GRIK1: variants seen among roughly 807,000 people sequenced by gnomAD.
The protein encoded by GRIK1 is glutamate receptor ionotropic, kainate 1.
Under a neutral mutation model 105.7 loss-of-function variants are expected in GRIK1, and 69 were observed. That is an observed-to-expected ratio of 0.65 (90% CI 0.54 to 0.80). The LOEUF is 0.80. Ranked by LOEUF, GRIK1 falls within the 30% of genes least tolerant of loss-of-function variation. GRIK1 has a pLI of 0.00. For missense variants in GRIK1, 1,109 were observed against 1,167.3 expected (o/e 0.95, Z 0.73); for synonymous variants, 438 against 431.3 (o/e 1.02, Z -0.19).
chr21:29,556,638 C>G (rs1043519777), intron 15 of GRIK1, among the ~76,000 whole-genome samples: 6 of 152,128 alleles, frequency 3.9e-5, no homozygotes, highest in Admixed American at 1.3e-4. Flanking sequence ...TGGTTTCTAG[C>G]CAATAGGAAC....
intron 1 of GRIK1, among the ~76,000 whole-genome samples, chr21:29,708,281 T>A (rs1439454450): frequency 6.6e-6 from 1 of 152,250 alleles, no homozygotes. Flanking sequence ...TAATTTTAAA[T>A]CACTTGTTCC....
intron 16 of GRIK1, among the ~76,000 whole-genome samples, chr21:29,543,554 G>T (rs2090003685): frequency 6.6e-6 from 1 of 152,120 alleles, no homozygotes; most frequent in African/African-American, 2.4e-5. Flanking sequence ...CATTTTCTGA[G>T]CGCATTCACA....
At chr21:29,560,632 C>T (rs933101798) in intron 15 of GRIK1, among the ~76,000 whole-genome samples, 23 of 145,012 alleles carry the variant, frequency 1.6e-4, no homozygotes, top group South Asian at 2.2e-4. Flanking sequence ...GATGGAGTCT[C>T]GCTCTGTTGC....
At chr21:29,596,867 G>A in intron 8 of GRIK1, 3 of 383,828 alleles carry the variant, frequency 7.8e-6, no homozygotes, top group Non-Finnish European at 9.8e-6. Context: ...CAGTATTAAG[G>A]GTCTTCATTG....
chr21:29,600,414 G>C (rs947959128), intron 7 of GRIK1, among the ~76,000 whole-genome samples: 2 of 152,140 alleles, frequency 1.3e-5, no homozygotes, highest in African/African-American at 4.8e-5. Context: ...TGGCCCTTGG[G>C]AGAGTCTTCA....
At chr21:29,615,699 A>AT (rs2061834462) in intron 7 of GRIK1, among the ~76,000 whole-genome samples, 1 of 152,268 alleles carries the variant, frequency 6.6e-6, no homozygotes, top group Non-Finnish European at 1.5e-5. Context: ...TATATGTAAT[A>AT]CTGCTATAAT....
At chr21:29,936,350 A>G (rs2071754204) in intron 1 of GRIK1, among the ~76,000 whole-genome samples, 1 of 152,172 alleles carries the variant, frequency 6.6e-6, no homozygotes, top group South Asian at 2.1e-4. Flanking sequence ...TTTTTAATTA[A>G]TGGTGGTGGG....
At chr21:29,737,350 C>T (rs138649835) in intron 1 of GRIK1, among the ~76,000 whole-genome samples, 3 of 152,262 alleles carry the variant, frequency 2.0e-5, no homozygotes, top group Admixed American at 1.3e-4. Flanking sequence ...GGTAATGTTT[C>T]AAAGCGCTCA....
chr21:29,921,971 T>C lies in GRIK1; in HGVS notation c.118+17412A>G, dbSNP rs553171249. Among the ~76,000 whole-genome samples the C allele has an allele frequency of 7.2e-5, 11 of 152,292 alleles. No individual in the cohort carries two copies. The South Asian group carries it at 2.3e-3, about 32-fold the overall frequency. On this transcript the variant is annotated intron_variant, in intron 1 of 17. Transcript: ENST00000327783. ...CTTTGCTTTTGATAGCATCCTAAAGTAGTCCTTCTGGGTGATACTATTGTT... is the reference window on the plus strand; with the variant it reads ...CTTTGCTTTTGATAGCATCCTAAAGCAGTCCTTCTGGGTGATACTATTGTT...
chr21:29,560,554 T>TCTCTC (rs2090444809), intron 15 of GRIK1, among the ~76,000 whole-genome samples: 1 of 121,038 alleles, frequency 8.3e-6, no homozygotes, highest in African/African-American at 3.6e-5. Flanking sequence ...CTTTCTTTCT[T>TCTCTC]TCTTTCTTTC....
At chr21:29,635,941 G>A (rs1568917078) in intron 7 of GRIK1, among the ~76,000 whole-genome samples, 1 of 152,154 alleles carries the variant, frequency 6.6e-6, no homozygotes, top group South Asian at 2.1e-4. Context: ...AACTCATAGA[G>A]TCAAAAGGAA....
intron 14 of GRIK1, among the ~76,000 whole-genome samples, chr21:29,571,572 T>G (rs548029548): frequency 2.6e-5 from 4 of 152,308 alleles, no homozygotes; most frequent in African/African-American, 9.6e-5. Context: ...GAATGAAATT[T>G]TAGCGAGCAA....
chr21:29,654,241 A>AT (rs1160867923), intron 5 of GRIK1, among the ~76,000 whole-genome samples: 1 of 152,214 alleles, frequency 6.6e-6, no homozygotes, highest in Admixed American at 6.5e-5. Context: ...CCATGATCAG[A>AT]TAGTCTCTCA....
chr21:29,764,128 A>G (rs190340156), intron 1 of GRIK1: 25 of 152,330 alleles, frequency 1.6e-4, no homozygotes, highest in African/African-American at 5.8e-4. Context: ...ACTGAAGATG[A>G]TGCAGAGACT....
intron 1 of GRIK1, among the ~76,000 whole-genome samples, chr21:29,936,461 C>T (rs2071759128): frequency 6.6e-6 from 1 of 152,192 alleles, no homozygotes. Context: ...CACAGACCAA[C>T]TAATTACATA....
chr21:29,555,125 C>A lies in GRIK1; in HGVS notation c.2534G>T (p.Gly845Val), dbSNP rs764729519. The change falls in exon 16 of 18, where the codon GGA (glycine) becomes GTA (valine). Residue 845 changes from glycine (G) to valine (V), a missense_variant. This residue lies in a region of GRIK1 where 161 missense variants were observed against 143.4 expected (regional missense o/e 1.12). Transcript: ENST00000327783. ...IGGIFIVLAA[G>V]LVLSVFVAIG... is the part of the protein sequence containing the mutation. ...AGCTACAAATACAGAAAGGACCAGT[C>A]CGGCAGCCAGAACAATGAAGATGCC... 7.4e-6 allele frequency: 12 copies of A among 1,613,244 alleles called. No individual in the cohort carries two copies. Among genetic ancestry groups the A allele is most frequent in the Admixed American group, 3.3e-5 (2 of 59,970 alleles).
At chr21:29,891,851 G>A (rs1466380210) in intron 1 of GRIK1, among the ~76,000 whole-genome samples, 1 of 152,170 alleles carries the variant, frequency 6.6e-6, no homozygotes, top group Non-Finnish European at 1.5e-5. Context: ...AAAGTTAAAT[G>A]AGGAAAATGT....
chr21:29,581,296 G>C (rs150372437), intron 13 of GRIK1, 129 bp downstream of exon 13: 6 of 665,678 alleles, frequency 9.0e-6, no homozygotes, highest in East Asian at 2.6e-5. Flanking sequence ...TAGAAAGTCC[G>C]TTGCTATTTT....
intron 1 of GRIK1, among the ~76,000 whole-genome samples, chr21:29,936,240 G>A (rs945099390): frequency 6.6e-6 from 1 of 152,156 alleles, no homozygotes. Flanking sequence ...ATAATTGTAT[G>A]TGTTGAGATG....
Sources: allele counts gnomAD v4.1 joint callset (sites outside exome capture counted in the v4.1 genomes callset), GRCh38; gene constraint gnomAD v4.1.1; regional missense constraint gnomAD v4.1.1; transcripts MANE v1.5; gene names NCBI Gene and HGNC (gene_info 2026-07-23, HGNC 2026-07-21).